Variants in STS observed in about 807,000 individuals in gnomAD.
STS encodes the protein steryl-sulfatase.
STS carries 7 observed loss-of-function variants against 26.8 expected under a neutral mutation model. The observed-to-expected ratio is 0.26, with a 90% CI of 0.15 to 0.49. The LOEUF (loss-of-function observed/expected upper bound fraction) is 0.49, where lower values mean the gene tolerates loss of function less well. STS is among the 20% of genes least tolerant of loss of function. The pLI is 0.98. For synonymous variants in STS, 199 were observed against 189.4 expected, an observed-to-expected ratio of 1.05 and a Z score of -0.42; for missense variants, 434 against 465.6, an observed-to-expected ratio of 0.93 and a Z score of 0.63.
chrX:7,269,565 A>G (rs139732362), intron 6 of STS, among the ~76,000 whole-genome samples: 17 of 110,309 alleles, frequency 1.5e-4, no homozygotes, highest in Admixed American at 4.9e-4. Context: ...CTAGCTGTCA[A>G]TGCTCTTGTC....
At chrX:7,347,695 A>G (rs1928588248) in intron 10 of STS, among the ~76,000 whole-genome samples, 1 of 111,762 alleles carries the variant, frequency 8.9e-6, no homozygotes, top group Admixed American at 9.5e-5. Flanking sequence ...CTCGAATGTC[A>G]AGTTCAAAAC....
intron 2 of STS, among the ~76,000 whole-genome samples, chrX:7,214,181 C>G (rs1270422191): frequency 2.7e-5 from 3 of 112,495 alleles, no homozygotes; most frequent in Non-Finnish European, 5.6e-5. Context: ...ACAATAAACA[C>G]TATTTACATG....
At chrX:7,175,932 A>G (rs1452982070) in intron 1 of STS, among the ~76,000 whole-genome samples, 1 of 111,001 alleles carries the variant, frequency 9.0e-6, no homozygotes, top group Non-Finnish European at 1.9e-5. Context: ...CATCCTTAGG[A>G]CTTTAACAAT....
chrX:7,240,469 A>G (rs903089701), intron 2 of STS, among the ~76,000 whole-genome samples: 14 of 86,631 alleles, frequency 1.6e-4, no homozygotes, highest in East Asian at 1.2e-3. Flanking sequence ...GCGCGCGCAC[A>G]CACACACACA....
chrX:7,167,522 G>T (rs2146994761), intron 1 of STS, among the ~76,000 whole-genome samples: 1 of 111,895 alleles, frequency 8.9e-6, no homozygotes, highest in African/African-American at 3.2e-5. Context: ...AGCCCAAGTT[G>T]TTGATAGAGT....
At chrX:7,319,939 A>T (rs915673280) in intron 8 of STS, among the ~76,000 whole-genome samples, 15 of 95,279 alleles carry the variant, frequency 1.6e-4, no homozygotes, top group Middle Eastern at 5.1e-3. Flanking sequence ...ATATATATAT[A>T]TTTTTATATG....
chrX:7,279,676 G>T (rs1471003111), intron 7 of STS, among the ~76,000 whole-genome samples: 2 of 109,300 alleles, frequency 1.8e-5, no homozygotes, highest in African/African-American at 6.7e-5. Flanking sequence ...GGGAGGGGAA[G>T]GGAAAAAAAT....
rs1034648326 is a variant in STS at position 7,350,550 on chromosome X, C to T, written c.*289C>T. 4.3e-5 allele frequency: 15 copies of T among 345,288 alleles called. No homozygotes were observed. The highest frequency in any genetic ancestry group is 7.5e-5 in the Non-Finnish European group (15 of 199,673). The allele number at this position is 345,288 out of a possible 1,213,427, so 28.5% of individuals were successfully genotyped here. A position where few individuals can be genotyped will look rare whatever the true frequency, so the allele number is the denominator to read the frequency against. On this transcript the variant is annotated 3_prime_UTR_variant, in exon 11 of 11. Transcript: ENST00000674429. ...TGAATAGAGGGGCATTCACAAGGCA[C>T]ACCAGTGCAAGCAGATGACAAAAAG...
At chrX:7,349,775 T>A in intron 10 of STS, 113 bp from the exon 11 acceptor site, 1 of 1,043,415 alleles carries the variant, frequency 9.6e-7, no homozygotes, top group Non-Finnish European at 1.3e-6. Context: ...AGCCTTATGA[T>A]ATCTTCACCT....
intron 8 of STS, among the ~76,000 whole-genome samples, chrX:7,314,973 A>G (rs763896318): frequency 3.9e-4 from 44 of 112,190 alleles, no homozygotes; most frequent in Middle Eastern, 4.6e-3. Context: ...TGTTTAGTAT[A>G]TGACTGGTGG....
chrX:7,238,038 A>G (rs1390153460), intron 2 of STS, among the ~76,000 whole-genome samples: 3 of 110,029 alleles, frequency 2.7e-5, no homozygotes, highest in African/African-American at 3.3e-5. Context: ...CTGCAGCAAC[A>G]TGGATGAAGT....
chrX:7,266,494 C>T (rs1924014175), intron 6 of STS, among the ~76,000 whole-genome samples: 1 of 111,729 alleles, frequency 9.0e-6, no homozygotes, highest in South Asian at 3.7e-4. Context: ...AATGTATAAC[C>T]ATCCACTCCA....
chrX:7,201,952 A>G (rs1230790913), intron 2 of STS, among the ~76,000 whole-genome samples: 2 of 110,916 alleles, frequency 1.8e-5, no homozygotes, highest in African/African-American at 6.6e-5. Flanking sequence ...TGTCAGCTTG[A>G]CTGGATTAAG....
At chrX:7,173,309 A>G (rs1324521543) in intron 1 of STS, among the ~76,000 whole-genome samples, 4 of 111,955 alleles carry the variant, frequency 3.6e-5, no homozygotes, top group Non-Finnish European at 1.9e-5. Flanking sequence ...CATCTGGTAT[A>G]TGTACCACAT....
At chrX:7,243,139 T>C (rs1239336467) in intron 2 of STS, among the ~76,000 whole-genome samples, 1 of 112,201 alleles carries the variant, frequency 8.9e-6, no homozygotes, top group Non-Finnish European at 1.9e-5. Flanking sequence ...CATAGCTCAC[T>C]GCAGCCTCAA....
At chrX:7,322,318 T>C (rs1243995645) in intron 8 of STS, among the ~76,000 whole-genome samples, 1 of 111,906 alleles carries the variant, frequency 8.9e-6, no homozygotes, top group African/African-American at 3.2e-5. Flanking sequence ...TAAAGGTATG[T>C]GTCTCTCAGT....
chrX:7,173,578 A>T (rs1270687483), intron 1 of STS, among the ~76,000 whole-genome samples: 1 of 112,109 alleles, frequency 8.9e-6, no homozygotes, highest in Non-Finnish European at 1.9e-5. Context: ...GTGTTCCTAC[A>T]TCTCCGCAAC....
intron 7 of STS, among the ~76,000 whole-genome samples, chrX:7,294,776 A>G (rs1925587627): frequency 8.9e-6 from 1 of 111,770 alleles, no homozygotes; most frequent in Non-Finnish European, 1.9e-5. Context: ...AGAGTTCTGG[A>G]TTGTGAATTG....
chrX:7,264,753 C>T (rs1923918142), intron 6 of STS, among the ~76,000 whole-genome samples: 2 of 111,782 alleles, frequency 1.8e-5, no homozygotes, highest in Admixed American at 1.9e-4. Context: ...TTTCATAGGA[C>T]ACTCTAAGAA....
Sources: allele counts gnomAD v4.1 joint callset (sites outside exome capture counted in the v4.1 genomes callset), GRCh38; gene constraint gnomAD v4.1.1; transcripts MANE v1.5; gene names NCBI Gene and HGNC (gene_info 2026-07-23, HGNC 2026-07-21).